The following MYO3B variants were observed in gnomAD, a reference collection of about 807,000 sequenced individuals.
The protein encoded by MYO3B is myosin IIIB.
MYO3B carries 156 observed loss-of-function variants against 174.6 expected under a neutral mutation model. That is an observed-to-expected ratio of 0.89 (90% confidence interval 0.78 to 1.02). MYO3B has a LOEUF of 1.02. Among genes scored for constraint, MYO3B ranks in the 50% least tolerant of loss-of-function variants. MYO3B has a pLI of 0.00. For synonymous variants in MYO3B, 563 were observed against 569.1 expected (o/e 0.99, Z 0.15); for missense variants, 1,632 against 1,639.4 (o/e 1.00, Z 0.08).
chr2:170,399,266 AGAG>A lies in MYO3B; in HGVS notation c.1792-921_1792-919del, dbSNP rs1487227046. On this transcript the variant is annotated intron_variant, in intron 16 of 34. Coordinates refer to ENST00000408978, the MANE Select transcript of MYO3B (RefSeq NM_138995.5). Reference sequence around the variant, plus strand: ...TCAAAAAAAAAAAAAAAAAAAAAAAAGAGAGAGACCAGTCTGGCCAACAGGGCA... The same window carrying A: ...TCAAAAAAAAAAAAAAAAAAAAAAAAAGAGACCAGTCTGGCCAACAGGGCA... Among the ~76,000 whole-genome samples the A allele has an allele frequency of 3.7e-3, 209 of 56,574 alleles. 33 individuals are homozygous for A. The highest frequency in any genetic ancestry group is 0.01 in the African/African-American group (183 of 18,058). 37.1% of individuals were successfully genotyped at this position (56,574 alleles called of 152,430 possible).
chr2:170,546,320 T>G (rs1690480819), intron 32 of MYO3B, among the ~76,000 whole-genome samples: 1 of 152,214 alleles, frequency 6.6e-6, no homozygotes, highest in African/African-American at 2.4e-5. Flanking sequence ...CAACCTAGCC[T>G]AGGTCTCGAA....
At chr2:170,376,998 T>C (rs940240666) in intron 9 of MYO3B, among the ~76,000 whole-genome samples, 2 of 152,214 alleles carry the variant, frequency 1.3e-5, no homozygotes, top group Admixed American at 6.5e-5. Flanking sequence ...CTCACCTACG[T>C]GAAGTTCTTG....
chr2:170,537,355 A>G (rs1689776459), intron 30 of MYO3B, among the ~76,000 whole-genome samples: 1 of 151,112 alleles, frequency 6.6e-6, no homozygotes, highest in African/African-American at 2.4e-5. Flanking sequence ...TCTCAAAAAT[A>G]ATAATTCTGG....
intron 7 of MYO3B, among the ~76,000 whole-genome samples, chr2:170,313,703 C>T (rs2093755097): frequency 6.6e-6 from 1 of 152,168 alleles, no homozygotes; most frequent in African/African-American, 2.4e-5. Context: ...TCTGACAGGG[C>T]CTCTCTTCCT....
At chr2:170,541,571 A>AT (rs979315589) in intron 30 of MYO3B, among the ~76,000 whole-genome samples, 4 of 152,090 alleles carry the variant, frequency 2.6e-5, no homozygotes, top group East Asian at 1.9e-4. Context: ...ATTTAAAAGC[A>AT]TTTTTTTTAA....
At chr2:170,371,948 T>A (rs905919632) in intron 9 of MYO3B, among the ~76,000 whole-genome samples, 1 of 149,218 alleles carries the variant, frequency 6.7e-6, no homozygotes. Context: ...ACTAAAAAAA[T>A]TAAATAAATA....
At chr2:170,429,903 C>A (rs973690816) in intron 22 of MYO3B, among the ~76,000 whole-genome samples, 6 of 152,080 alleles carry the variant, frequency 3.9e-5, no homozygotes, top group Non-Finnish European at 8.8e-5. Flanking sequence ...AGCCTTTCCC[C>A]TTCCCCCCAA....
At chr2:170,470,494 T>C (rs544947515) in intron 25 of MYO3B, among the ~76,000 whole-genome samples, 7 of 152,334 alleles carry the variant, frequency 4.6e-5, no homozygotes, top group African/African-American at 1.7e-4. Context: ...TTTTGCTTGC[T>C]CATTTATCAG....
intron 32 of MYO3B, among the ~76,000 whole-genome samples, chr2:170,603,054 G>A (rs1694612754): frequency 1.3e-5 from 2 of 151,978 alleles, no homozygotes; most frequent in Admixed American, 6.6e-5. Context: ...GGCAACAAGA[G>A]CGAAACTCTG....
chr2:170,384,677 A>G (rs2094360475), intron 12 of MYO3B, among the ~76,000 whole-genome samples: 1 of 152,220 alleles, frequency 6.6e-6, no homozygotes, highest in South Asian at 2.1e-4. Flanking sequence ...ATAGGGAGGA[A>G]GTAAATGGAG....
At position 170,466,684 on chromosome 2, in the gene MYO3B, G is replaced by T; in HGVS notation, c.2987G>T (p.Arg996Leu). Reference protein sequence around the residue: ...VSIRRQGYSHRILFEEFVKRY... With the variant: ...VSIRRQGYSHLILFEEFVKRY... ...ATCCGCCGCCAGGGCTATTCCCACC[G>T]CATCCTTTTTGAAGAATTTGTGAAA... is the stretch of plus-strand genomic sequence containing the variant. The change falls in exon 25 of 35, where the codon CGC becomes CTC. Residue 996 changes from arginine (R) to leucine (L), a missense_variant. Transcript: ENST00000408978. 6.2e-7 allele frequency: 1 copy of T among 1,614,134 alleles called. No homozygotes were observed. Among genetic ancestry groups the T allele is most frequent in the South Asian group, 1.1e-5 (1 of 91,070 alleles).
At chr2:170,422,664 G>A (rs1386058818) in intron 22 of MYO3B, among the ~76,000 whole-genome samples, 1 of 151,936 alleles carries the variant, frequency 6.6e-6, no homozygotes, top group Non-Finnish European at 1.5e-5. Flanking sequence ...TCACCATGTT[G>A]GCCAGGCTGG....
chr2:170,400,074 G>A (rs2094465048), intron 16 of MYO3B, 114 bp from the exon 17 acceptor site: 2 of 1,391,480 alleles, frequency 1.4e-6, no homozygotes, highest in South Asian at 1.3e-5. Context: ...GTGTGTCCAG[G>A]AAAAGAGGGA....
chr2:170,181,492 A>G (rs1312686259), intron 1 of MYO3B, among the ~76,000 whole-genome samples: 1 of 151,216 alleles, frequency 6.6e-6, no homozygotes, highest in Non-Finnish European at 1.5e-5. Context: ...ATGAGAGCAG[A>G]CATCCTTGGC....
intron 32 of MYO3B, among the ~76,000 whole-genome samples, chr2:170,554,801 T>C (rs1207145862): frequency 1.3e-5 from 2 of 152,028 alleles, no homozygotes; most frequent in African/African-American, 4.8e-5. Flanking sequence ...ACAAGGCGGG[T>C]GGTGTGTGAG....
intron 7 of MYO3B, among the ~76,000 whole-genome samples, chr2:170,269,898 G>T (rs2093413897): frequency 6.6e-6 from 1 of 152,176 alleles, no homozygotes; most frequent in South Asian, 2.1e-4. Context: ...GATTCAGTAG[G>T]TTCGGTGAGG....
At chr2:170,475,177 C>T (rs1575040012) in intron 25 of MYO3B, among the ~76,000 whole-genome samples, 1 of 152,186 alleles carries the variant, frequency 6.6e-6, no homozygotes, top group East Asian at 1.9e-4. Flanking sequence ...TCTTGTCCCA[C>T]CTAGGACCCA....
At chr2:170,566,214 A>T (rs746257980) in intron 32 of MYO3B, among the ~76,000 whole-genome samples, 3 of 152,246 alleles carry the variant, frequency 2.0e-5, no homozygotes, top group East Asian at 3.8e-4. Context: ...GTAAGAAAGC[A>T]TCTAAAATAG....
At chr2:170,314,664 A>G (rs2093762391) in intron 7 of MYO3B, among the ~76,000 whole-genome samples, 1 of 152,154 alleles carries the variant, frequency 6.6e-6, no homozygotes, top group African/African-American at 2.4e-5. Context: ...TGATCAAATA[A>G]AGAACTATGT....
Sources: allele counts gnomAD v4.1 joint callset (sites outside exome capture counted in the v4.1 genomes callset), GRCh38; gene constraint gnomAD v4.1.1; transcripts MANE v1.5; gene names NCBI Gene and HGNC (gene_info 2026-07-23, HGNC 2026-07-21).